JADE1: variants seen among roughly 807,000 people sequenced by gnomAD.
JADE1 encodes jade family PHD finger 1, also known as protein Jade-1.
In JADE1, 14 loss-of-function variants were observed where a neutral mutation model predicts 81.8. The observed-to-expected ratio is 0.17, with a 90% CI of 0.11 to 0.27. The LOEUF is 0.27. Ranked by LOEUF, JADE1 falls within the 10% of genes least tolerant of loss-of-function variation. JADE1 has a pLI of 1.00. For missense variants in JADE1, 690 were observed against 1,047.9 expected, an observed-to-expected ratio of 0.66 and a Z score of 4.71; for synonymous variants, 353 against 391.9, an observed-to-expected ratio of 0.90 and a Z score of 1.17.
chr4:128,811,915 C>CACCGCT (rs1553940816), intron 1 of JADE1: 1 of 151,472 alleles, frequency 6.6e-6, no homozygotes, highest in Non-Finnish European at 1.5e-5. Context: ...AGCTCCTCGC[C>CACCGCT]GCCGCTGCCG....
chr4:128,842,632 A>G (rs1729537400), intron 2 of JADE1, among the ~76,000 whole-genome samples: 1 of 152,206 alleles, frequency 6.6e-6, no homozygotes, highest in Admixed American at 6.5e-5. Context: ...TAGCAGCATG[A>G]GACTTTGAAC....
intron 1 of JADE1, among the ~76,000 whole-genome samples, chr4:128,828,553 C>T (rs1186223854): frequency 2.7e-5 from 3 of 109,218 alleles, no homozygotes; most frequent in Non-Finnish European, 7.3e-5. Context: ...CTCAAACCCT[C>T]ATTACTCAAG....
At position 128,851,223 on chromosome 4, in the gene JADE1, C is replaced by T. The variant is rs773900972; in HGVS notation, c.485-834C>T. 2.0e-5 allele frequency among the ~76,000 whole-genome samples: 3 copies of T among 152,194 alleles called. No homozygotes were observed. The East Asian group carries it at 5.8e-4, about 29-fold the overall frequency. On this transcript the variant is annotated intron_variant, in intron 5 of 10. Transcript: ENST00000226319. ...GCATGAGCCATCGCGCCTGGTGTTT[C>T]AGTCTTTTTTGCATTTGGTTAACTA...
intron 2 of JADE1, among the ~76,000 whole-genome samples, chr4:128,839,515 T>C (rs959305464): frequency 6.6e-6 from 1 of 152,246 alleles, no homozygotes; most frequent in African/African-American, 2.4e-5. Flanking sequence ...CGTTTTGACA[T>C]GTTTATACCC....
intron 1 of JADE1, among the ~76,000 whole-genome samples, chr4:128,812,412 G>T (rs968562580): frequency 6.6e-6 from 1 of 151,930 alleles, no homozygotes; most frequent in Non-Finnish European, 1.5e-5. Context: ...TCGCCGCTGC[G>T]GGGCGGCGGC....
In JADE1 at chr4:128,874,527, A is replaced by G. The variant is rs1316462843; in HGVS notation, c.*2265A>G. Reference sequence around the variant, plus strand: ...AAATATTAAAAAAAACCCACACAAAAACAAAACACACAAAAATAAAAAGCC... The same window carrying G: ...AAATATTAAAAAAAACCCACACAAAGACAAAACACACAAAAATAAAAAGCC... On this transcript the variant is annotated 3_prime_UTR_variant, in exon 11 of 11. Coordinates refer to ENST00000226319, the MANE Select transcript of JADE1 (RefSeq NM_199320.4). The G allele has an allele frequency of 6.6e-6, 1 of 152,560 alleles. No individual in the cohort carries two copies. Among genetic ancestry groups the G allele is most frequent in the Non-Finnish European group, 1.5e-5 (1 of 68,034 alleles). The allele number at this position is 152,560 out of a possible 1,614,324, so 9.5% of individuals were successfully genotyped here.
chr4:128,870,597 A>G (rs1456928780), intron 10 of JADE1, among the ~76,000 whole-genome samples: 2 of 152,178 alleles, frequency 1.3e-5, no homozygotes, highest in African/African-American at 4.8e-5. Flanking sequence ...GAAATGTCAG[A>G]GTACATTATC....
At chr4:128,823,861 A>C (rs1027733885) in intron 1 of JADE1, among the ~76,000 whole-genome samples, 1 of 152,328 alleles carries the variant, frequency 6.6e-6, no homozygotes, top group Middle Eastern at 3.4e-3. Flanking sequence ...TATTTAAGCG[A>C]TTAATGTTTA....
chr4:128,816,983 G>A (rs1727096865), intron 1 of JADE1, among the ~76,000 whole-genome samples: 1 of 151,452 alleles, frequency 6.6e-6, no homozygotes, highest in Non-Finnish European at 1.5e-5. Flanking sequence ...GTCAGCCTCC[G>A]GAGTAGCTGG....
chr4:128,812,293 C>T (rs1726507874), intron 1 of JADE1, among the ~76,000 whole-genome samples: 1 of 151,864 alleles, frequency 6.6e-6, no homozygotes, highest in Non-Finnish European at 1.5e-5. Flanking sequence ...GTTTCTGTCG[C>T]CTCGGGAGGA....
Position 128,867,911 on chromosome 4 carries a change from G to T in JADE1, c.1559G>T (p.Cys520Phe), listed in dbSNP as rs772900825. Reference sequence around the variant, plus strand: ...AGGGAAAAGATTAAACGGTCTGTGTGCAAAGTCCAGGAACAGATATTCAAT... The same window carrying T: ...AGGGAAAAGATTAAACGGTCTGTGTTCAAAGTCCAGGAACAGATATTCAAT... Reference protein sequence around the residue: ...TRREKIKRSVCKVQEQIFNLY... With the variant: ...TRREKIKRSVFKVQEQIFNLY... Residue 520 changes from cysteine to phenylalanine, a missense_variant, in exon 10 of 11, where the codon TGC becomes TTC. This residue lies in a region of JADE1 where 86 missense variants were observed against 95.4 expected (regional missense o/e 0.90). Coordinates refer to ENST00000226319, the MANE Select transcript of JADE1 (RefSeq NM_199320.4). 3 of 1,613,774 alleles carry T rather than the reference G, an allele frequency of 1.9e-6. No homozygotes were observed. The South Asian group carries it at 3.3e-5, about 18-fold the overall frequency.
intron 6 of JADE1, among the ~76,000 whole-genome samples, chr4:128,853,055 C>T (rs1413476449): frequency 6.6e-6 from 1 of 152,004 alleles, no homozygotes; most frequent in Non-Finnish European, 1.5e-5. Flanking sequence ...GCCACCACAC[C>T]TGGCTAGAGA....
rs1207923196 is a variant in JADE1, at chr4:128,871,568, T to C, written c.1835T>C (p.Leu612Pro). The C allele has an allele frequency of 6.2e-7, 1 of 1,614,068 alleles. No homozygotes were observed. The highest frequency in any genetic ancestry group is 1.3e-5 in the African/African-American group (1 of 74,920). ...CCTGGAAGTGAAGGCAAAACCCTGCTGAAGCAGCCAGACCTGTGTGGTAGA... is the reference window on the plus strand; with the variant it reads ...CCTGGAAGTGAAGGCAAAACCCTGCCGAAGCAGCCAGACCTGTGTGGTAGA... Reference protein sequence around the residue: ...NSPGSEGKTLLKQPDLCGRRE... With the variant: ...NSPGSEGKTLPKQPDLCGRRE... The change falls in exon 11 of 11, where the codon CTG becomes CCG. Residue 612 changes from leucine to proline, a missense_variant. Physicochemically the swap from Leu to Pro is moderately conservative, Grantham distance 98. Around this residue, in one of 8 missense-constraint regions of JADE1, gnomAD observed 5 missense variants for 22.7 expected, o/e 0.22. Transcript: ENST00000226319. The surrounding 1 kb of genome is among the most constrained non-coding windows in gnomAD (Gnocchi z 4.1).
At chr4:128,823,196 CTTAA>C (rs1471644410) in intron 1 of JADE1, among the ~76,000 whole-genome samples, 16 of 152,110 alleles carry the variant, frequency 1.1e-4, no homozygotes, top group African/African-American at 3.1e-4. Flanking sequence ...GTTGCTGACT[CTTAA>C]TTGAGTCAGC....
At chr4:128,864,255 C>A in intron 9 of JADE1, 1 of 517,912 alleles carries the variant, frequency 1.9e-6, no homozygotes, top group Non-Finnish European at 2.5e-6. Flanking sequence ...TCAAGTGATT[C>A]TCCTGCCTCG....
chr4:128,868,281 A>G (rs983725185), intron 10 of JADE1, among the ~76,000 whole-genome samples: 6 of 152,066 alleles, frequency 3.9e-5, no homozygotes, highest in African/African-American at 1.5e-4. Flanking sequence ...CTTGGAATTG[A>G]GAGACTAAAA....
At chr4:128,834,346 G>T (rs1321709213) in intron 2 of JADE1, among the ~76,000 whole-genome samples, 1 of 151,980 alleles carries the variant, frequency 6.6e-6, no homozygotes, top group African/African-American at 2.4e-5. Flanking sequence ...TCGCTGGTGT[G>T]CCTCAGTGTG....
At position 128,872,855 on chromosome 4, in the gene JADE1, A is replaced by G; in HGVS notation, c.*593A>G. 1 of 452,158 alleles carries G rather than the reference A, an allele frequency of 2.2e-6. No homozygotes were observed. 28.0% of individuals were successfully genotyped at this position (452,158 alleles called of 1,614,324 possible). On this transcript the variant is annotated 3_prime_UTR_variant, in exon 11 of 11. Coordinates refer to ENST00000226319, the MANE Select transcript of JADE1 (RefSeq NM_199320.4). ...GAAGAGAATTTTAAAAAAGGTCATT[A>G]TTGAAGAAGCTGAGGGGACAGGGTA... is the stretch of plus-strand genomic sequence containing the variant.
chr4:128,861,330 G>T (rs549474927), intron 8 of JADE1, among the ~76,000 whole-genome samples: 2 of 152,330 alleles, frequency 1.3e-5, no homozygotes, highest in South Asian at 4.1e-4. Flanking sequence ...AGGAAGTTAG[G>T]GTTTGGTTGA....
Sources: allele counts gnomAD v4.1 joint callset (sites outside exome capture counted in the v4.1 genomes callset), GRCh38; gene constraint gnomAD v4.1.1; regional missense constraint gnomAD v4.1.1; non-coding constraint Gnocchi (gnomAD v3.1); transcripts MANE v1.5; gene names NCBI Gene and HGNC (gene_info 2026-07-23, HGNC 2026-07-21).